RIMS2: variants seen among roughly 807,000 people sequenced by gnomAD.
RIMS2 encodes the protein regulating synaptic membrane exocytosis 2, also known as regulating synaptic membrane exocytosis protein 2.
Under a neutral mutation model 174.4 loss-of-function variants are expected in RIMS2, and 59 were observed. The observed-to-expected ratio is 0.34, with a 90% CI of 0.27 to 0.42. The LOEUF is 0.42. Ranked by LOEUF, RIMS2 falls within the 10% of genes least tolerant of loss-of-function variation. The pLI is 1.00. For missense variants in RIMS2, 1,620 were observed against 1,666.3 expected (o/e 0.97, Z 0.48); for synonymous variants, 606 against 572.5 (o/e 1.06, Z -0.84).
intron 19 of RIMS2, among the ~76,000 whole-genome samples, chr8:104,076,909 C>T (rs968597707): frequency 2.0e-5 from 3 of 151,762 alleles, no homozygotes; most frequent in South Asian, 2.1e-4. Context: ...CTCTGCCTCC[C>T]GGGTTCAAGT....
chr8:103,937,120 A>G (rs1351928154), intron 13 of RIMS2, among the ~76,000 whole-genome samples: 2 of 113,182 alleles, frequency 1.8e-5, no homozygotes, highest in African/African-American at 5.5e-5. Flanking sequence ...ATTAAAGATA[A>G]ATAAATAAAT....
At chr8:103,939,119 GC>G (rs1433286991) in intron 13 of RIMS2, among the ~76,000 whole-genome samples, 1 of 152,200 alleles carries the variant, frequency 6.6e-6, no homozygotes, top group African/African-American at 2.4e-5. Flanking sequence ...ACTAGGTGGT[GC>G]CCCAGTAGGG....
intron 1 of RIMS2, among the ~76,000 whole-genome samples, chr8:103,519,466 C>T (rs1011460399): frequency 6.6e-6 from 1 of 152,050 alleles, no homozygotes; most frequent in Non-Finnish European, 1.5e-5. Flanking sequence ...TTTTCAAACA[C>T]TCTTCTCTCT....
At chr8:103,605,299 C>T (rs12174499) in intron 1 of RIMS2, among the ~76,000 whole-genome samples, 1 of 144,514 alleles carries the variant, frequency 6.9e-6, no homozygotes. Context: ...TGCTGGATTA[C>T]ATTTATTGAT....
intron 1 of RIMS2, among the ~76,000 whole-genome samples, chr8:103,551,811 A>G (rs1223411401): frequency 2.0e-5 from 3 of 152,170 alleles, no homozygotes; most frequent in Non-Finnish European, 2.9e-5. Context: ...CCAATAACAG[A>G]CAAACAGAGA....
chr8:104,027,416 A>G (rs539552816), intron 19 of RIMS2, among the ~76,000 whole-genome samples: 2 of 152,044 alleles, frequency 1.3e-5, no homozygotes, highest in Non-Finnish European at 2.9e-5. Flanking sequence ...GAAAGTCCCA[A>G]CTGACTAAAC....
intron 12 of RIMS2, among the ~76,000 whole-genome samples, chr8:103,936,078 T>A (rs2081183212): frequency 6.6e-6 from 1 of 152,172 alleles, no homozygotes; most frequent in Middle Eastern, 3.2e-3. Context: ...AAAAAATAAA[T>A]TATCATTGGT....
intron 1 of RIMS2, among the ~76,000 whole-genome samples, chr8:103,687,734 T>C (rs1397424157): frequency 6.6e-6 from 1 of 152,246 alleles, no homozygotes; most frequent in East Asian, 1.9e-4. Flanking sequence ...CTTTTTAAGA[T>C]TTCACATGTA....
chr8:103,706,242 C>T (rs1198792868), intron 2 of RIMS2, among the ~76,000 whole-genome samples: 1 of 152,090 alleles, frequency 6.6e-6, no homozygotes, highest in African/African-American at 2.4e-5. Flanking sequence ...TGTTATCTCA[C>T]ATTTTATCTT....
At chr8:103,905,775 C>CTTTTT (rs60157494) in intron 4 of RIMS2, among the ~76,000 whole-genome samples, 3 of 122,054 alleles carry the variant, frequency 2.5e-5, no homozygotes, top group South Asian at 2.6e-4. Context: ...ATTTTCTTTT[C>CTTTTT]TTTTTTTTTT....
intron 1 of RIMS2, among the ~76,000 whole-genome samples, chr8:103,566,557 A>G (rs1374168366): frequency 2.0e-5 from 3 of 152,160 alleles, no homozygotes; most frequent in African/African-American, 7.2e-5. Context: ...ATTTACATAT[A>G]TTCATATTTT....
intron 2 of RIMS2, among the ~76,000 whole-genome samples, chr8:103,761,128 A>G (rs2098108382): frequency 6.6e-6 from 1 of 152,196 alleles, no homozygotes; most frequent in African/African-American, 2.4e-5. Context: ...TATTTAGTCT[A>G]AATACATCCA....
intron 1 of RIMS2, among the ~76,000 whole-genome samples, chr8:103,624,461 A>G (rs916510739): frequency 6.6e-6 from 1 of 152,172 alleles, no homozygotes; most frequent in Admixed American, 6.5e-5. Flanking sequence ...CGCAAATGGC[A>G]GACTGTGGGA....
intron 1 of RIMS2, among the ~76,000 whole-genome samples, chr8:103,537,062 A>G (rs879248554): frequency 6.6e-6 from 1 of 152,254 alleles, no homozygotes; most frequent in Non-Finnish European, 1.5e-5. Flanking sequence ...ATAGATGAAG[A>G]AGACATGGTT....
intron 1 of RIMS2, among the ~76,000 whole-genome samples, chr8:103,590,897 TA>T (rs370977508): frequency 4.0e-4 from 61 of 151,290 alleles, no homozygotes; most frequent in African/African-American, 1.4e-3. Context: ...TACTTTTGGA[TA>T]AATACCTGTA....
chr8:103,842,903 C>T (rs1377827846), intron 3 of RIMS2, among the ~76,000 whole-genome samples: 1 of 152,200 alleles, frequency 6.6e-6, no homozygotes, highest in Non-Finnish European at 1.5e-5. Flanking sequence ...CTTCTGAAGC[C>T]TAGCTCCTTG....
chr8:103,798,953 TAGAA>T (rs1384114684), intron 3 of RIMS2, among the ~76,000 whole-genome samples: 4 of 147,390 alleles, frequency 2.7e-5, no homozygotes, highest in Non-Finnish European at 6.0e-5. Flanking sequence ...TGAGATGAGA[TAGAA>T]GGAGGAGAGA....
chr8:103,667,092 C>T (rs2096680300), intron 1 of RIMS2, among the ~76,000 whole-genome samples: 1 of 152,114 alleles, frequency 6.6e-6, no homozygotes, highest in Admixed American at 6.6e-5. Flanking sequence ...ATGAACCAAA[C>T]CAGCTAAAAT....
chr8:103,504,025 A>G (rs1188750441), intron 1 of RIMS2, among the ~76,000 whole-genome samples: 2 of 152,138 alleles, frequency 1.3e-5, no homozygotes. Flanking sequence ...TGAGCGAGGT[A>G]CTATAATTTT....
Sources: allele counts gnomAD v4.1 joint callset (sites outside exome capture counted in the v4.1 genomes callset), GRCh38; gene constraint gnomAD v4.1.1; transcripts MANE v1.5; gene names NCBI Gene and HGNC (gene_info 2026-07-23, HGNC 2026-07-21).